Variants in SH3KBP1 observed in about 807,000 individuals in gnomAD.
The protein encoded by SH3KBP1 is SH3 domain-containing kinase-binding protein 1.
In SH3KBP1, 8 loss-of-function variants were observed where a neutral mutation model predicts 50.1. The observed-to-expected ratio is 0.16, with a 90% confidence interval of 0.09 to 0.29. The LOEUF (loss-of-function observed/expected upper bound fraction) is 0.29, where lower values mean the gene tolerates loss of function less well. SH3KBP1 is among the 10% of genes least tolerant of loss of function. The pLI is 1.00. For synonymous variants in SH3KBP1, 227 were observed against 218.6 expected, an observed-to-expected ratio of 1.04 and a Z score of -0.34; for missense variants, 377 against 535.2, an observed-to-expected ratio of 0.70 and a Z score of 2.92.
At chrX:19,730,746 G>T (rs2064351980) in intron 3 of SH3KBP1, among the ~76,000 whole-genome samples, 1 of 111,188 alleles carries the variant, frequency 9.0e-6, no homozygotes, top group East Asian at 2.8e-4. Flanking sequence ...TAATCACATA[G>T]TCCAAAATTA....
At chrX:19,597,460 C>T (rs1174310888) in intron 9 of SH3KBP1, among the ~76,000 whole-genome samples, 5 of 111,624 alleles carry the variant, frequency 4.5e-5, no homozygotes, top group Non-Finnish European at 7.5e-5. Context: ...CTCACTCTGT[C>T]GCCCAGGCTG....
chrX:19,641,978 C>T (rs2061867012), intron 7 of SH3KBP1, among the ~76,000 whole-genome samples: 1 of 111,022 alleles, frequency 9.0e-6, no homozygotes, highest in African/African-American at 3.3e-5. Context: ...GGAGCTGGGA[C>T]CACAGGCATG....
chrX:19,808,087 T>C (rs1423727738), intron 2 of SH3KBP1, among the ~76,000 whole-genome samples: 4 of 111,638 alleles, frequency 3.6e-5, no homozygotes, highest in Non-Finnish European at 5.6e-5. Context: ...TGAGCCTGTC[T>C]CTTGCAGCTC....
chrX:19,790,123 A>C (rs1020157816), intron 2 of SH3KBP1, among the ~76,000 whole-genome samples: 1 of 109,915 alleles, frequency 9.1e-6, no homozygotes, highest in African/African-American at 3.3e-5. Context: ...TCAAAAAAAA[A>C]AAAAAAAATC....
chrX:19,768,757 C>T (rs1195850283), intron 2 of SH3KBP1, among the ~76,000 whole-genome samples: 1 of 109,359 alleles, frequency 9.1e-6, no homozygotes, highest in Non-Finnish European at 1.9e-5. Context: ...TGCATCCTTT[C>T]ATCAGTAATC....
chrX:19,611,956 G>GAAAAAAAA (rs3036638), intron 8 of SH3KBP1, among the ~76,000 whole-genome samples: 26 of 38,013 alleles, frequency 6.8e-4, no homozygotes, highest in African/African-American at 1.1e-3. Flanking sequence ...AGCAGAAGTA[G>GAAAAAAAA]AAAAAAAAAA....
At chrX:19,833,742 C>T (rs73443528) in intron 2 of SH3KBP1, among the ~76,000 whole-genome samples, 1,691 of 111,847 alleles carry the variant, frequency 0.015, 34 homozygotes, top group African/African-American at 0.052. Context: ...TTCTCTCTTT[C>T]CCACAGTCCC....
intron 7 of SH3KBP1, among the ~76,000 whole-genome samples, chrX:19,634,421 G>A (rs1180411464): frequency 9.0e-6 from 1 of 111,666 alleles, no homozygotes; most frequent in Non-Finnish European, 1.9e-5. Context: ...CTTCGACTGT[G>A]CAGCTATGCT....
chrX:19,823,157 G>A (rs1295779326), intron 2 of SH3KBP1, among the ~76,000 whole-genome samples: 1 of 111,351 alleles, frequency 9.0e-6, no homozygotes, highest in Non-Finnish European at 1.9e-5. Context: ...GGGGATGGAA[G>A]TCCAGAATCC....
chrX:19,854,199 T>C (rs1246532909), intron 1 of SH3KBP1, among the ~76,000 whole-genome samples: 1 of 110,115 alleles, frequency 9.1e-6, no homozygotes, highest in Non-Finnish European at 1.9e-5. Context: ...CACTGCAACC[T>C]CTGCCTCCTG....
intron 2 of SH3KBP1, among the ~76,000 whole-genome samples, chrX:19,757,412 C>T (rs1408225905): frequency 9.1e-6 from 1 of 110,417 alleles, no homozygotes. Flanking sequence ...AAATTGATAG[C>T]TTATCTTTAC....
At chrX:19,747,654 T>C (rs1345792968) in intron 2 of SH3KBP1, 2 of 340,700 alleles carry the variant, frequency 5.9e-6, no homozygotes, top group East Asian at 2.0e-4. Flanking sequence ...CTCAAGAGTG[T>C]GTTAGTTACC....
intron 4 of SH3KBP1, among the ~76,000 whole-genome samples, chrX:19,698,861 G>A (rs1320445413): frequency 1.8e-5 from 2 of 110,517 alleles, no homozygotes; most frequent in Non-Finnish European, 3.8e-5. Flanking sequence ...CATTCTAAGA[G>A]TAAAGCACAG....
intron 2 of SH3KBP1, among the ~76,000 whole-genome samples, chrX:19,793,966 A>G (rs2066624028): frequency 9.0e-6 from 1 of 110,820 alleles, no homozygotes; most frequent in South Asian, 3.8e-4. Flanking sequence ...AAACCAGAAC[A>G]TTTCAGAGTG....
chrX:19,687,493 G>A, intron 5 of SH3KBP1: 1 of 566,972 alleles, frequency 1.8e-6, no homozygotes, highest in South Asian at 2.7e-5. Context: ...CATGTCCTTG[G>A]ATCAGAAATT....
chrX:19,652,065 C>A (rs1019138704), intron 6 of SH3KBP1, among the ~76,000 whole-genome samples: 7 of 111,311 alleles, frequency 6.3e-5, no homozygotes, highest in Non-Finnish European at 1.1e-4. Flanking sequence ...GCATTAGCAC[C>A]TACCACAACA....
intron 2 of SH3KBP1, among the ~76,000 whole-genome samples, chrX:19,818,005 C>T (rs1443815132): frequency 8.9e-6 from 1 of 112,024 alleles, no homozygotes; most frequent in African/African-American, 3.2e-5. Flanking sequence ...ACATGCTGTG[C>T]AGGTTTGTAG....
At chrX:19,767,803 G>A (rs986117468) in intron 2 of SH3KBP1, among the ~76,000 whole-genome samples, 4 of 111,058 alleles carry the variant, frequency 3.6e-5, no homozygotes, top group African/African-American at 1.3e-4. Flanking sequence ...GGGAAGCTGC[G>A]ATAATTAACT....
At chrX:19,812,596 A>C (rs1464309063) in intron 2 of SH3KBP1, among the ~76,000 whole-genome samples, 1 of 104,008 alleles carries the variant, frequency 9.6e-6, no homozygotes, top group Non-Finnish European at 1.9e-5. Context: ...TGGGAGGCTG[A>C]GGCAGGAGGA....
Sources: gnomAD v4.1 joint callset for allele counts (sites outside exome capture counted in the v4.1 genomes callset) on GRCh38, gnomAD v4.1.1 for gene constraint, MANE v1.5 for transcripts, NCBI Gene and HGNC (gene_info 2026-07-23, HGNC 2026-07-21) for gene names.